Variants in SNAPC3 observed in about 807,000 individuals in gnomAD.
The protein encoded by SNAPC3 is snRNA-activating protein complex subunit 3.
Under a neutral mutation model 47.7 loss-of-function variants are expected in SNAPC3, and 56 were observed. The ratio of observed to expected loss-of-function variants is 1.18; its 90% confidence interval spans 0.95 to 1.47. The LOEUF (loss-of-function observed/expected upper bound fraction) is 1.47. Ranked by LOEUF, SNAPC3 falls within the 40% of genes most tolerant of loss-of-function variation. The pLI is 0.00. For missense variants in SNAPC3, 665 were observed against 511.3 expected (o/e 1.30, Z -2.90); for synonymous variants, 235 against 189.9 (o/e 1.24, Z -1.95).
At chr9:15,439,966 T>A (rs1476974709) in intron 3 of SNAPC3, among the ~76,000 whole-genome samples, 1 of 152,226 alleles carries the variant, frequency 6.6e-6, no homozygotes. Context: ...ATTTTCCACT[T>A]GTGATGTATT....
intron 1 of SNAPC3, 30 bp downstream of exon 1, chr9:15,423,223 C>T (rs755579351): frequency 1.3e-6 from 2 of 1,546,458 alleles, no homozygotes; most frequent in East Asian, 2.4e-5. Flanking sequence ...GCTCTTGCAG[C>T]TTGGGGTCAA....
At chr9:15,449,292 G>A (rs904452499) in intron 5 of SNAPC3, among the ~76,000 whole-genome samples, 2 of 151,920 alleles carry the variant, frequency 1.3e-5, no homozygotes, top group Non-Finnish European at 2.9e-5. Context: ...CTGGGAATCG[G>A]TCTTACCTTC....
intron 6 of SNAPC3, among the ~76,000 whole-genome samples, chr9:15,451,933 T>G (rs373643196): frequency 7.5e-4 from 114 of 151,466 alleles, no homozygotes; most frequent in African/African-American, 2.4e-3. Context: ...TCTTAACAAT[T>G]ACAGTATACA....
downstream of SNAPC3, chr9:15,464,307 G>C (rs567454715): frequency 5.2e-6 from 1 of 193,946 alleles, no homozygotes; most frequent in Non-Finnish European, 1.1e-5. Context: ...ATACAGAGAC[G>C]CTGGTCTTAA....
At position 15,451,344 on chromosome 9, in the gene SNAPC3, T is replaced by C; in HGVS notation, c.757T>C (p.Tyr253His). The C allele has an allele frequency of 6.6e-7, 1 of 1,524,010 alleles. No individual in the cohort carries two copies. Among genetic ancestry groups the C allele is most frequent in the Non-Finnish European group, 9.0e-7 (1 of 1,109,122 alleles). The allele number at this position is 1,524,010 out of a possible 1,614,324, so 94.4% of individuals were successfully genotyped here. A position where few individuals can be genotyped will look rare whatever the true frequency, so the allele number is the denominator to read the frequency against. Residue 253 changes from tyrosine (Y) to histidine (H), a missense_variant, in exon 6 of 9, where the codon TAT becomes CAT. Physicochemically the swap from Tyr to His is moderately conservative, Grantham distance 83. Transcript: ENST00000380821. Reference protein sequence around the residue: ...SKDLYKSAFFYFEGTFYNDKR... With the variant: ...SKDLYKSAFFHFEGTFYNDKR... ...GGACCTATACAAATCAGCCTTCTTT[T>C]ATTTTGAAGGAACATTTTATAATGA...
intron 3 of SNAPC3, among the ~76,000 whole-genome samples, chr9:15,437,074 C>T (rs1322904646): frequency 6.6e-6 from 1 of 152,046 alleles, no homozygotes; most frequent in African/African-American, 2.4e-5. Context: ...ATCCGCCTGC[C>T]TCGGCCTCCC....
intron 1 of SNAPC3, 88 bp downstream of exon 1, chr9:15,423,281 A>AGTC: frequency 7.5e-7 from 1 of 1,327,678 alleles, no homozygotes; most frequent in Non-Finnish European, 1.0e-6. Flanking sequence ...CATCCCTGAG[A>AGTC]AGGGCCTGTG....
intron 7 of SNAPC3, among the ~76,000 whole-genome samples, chr9:15,454,794 C>T (rs935828156): frequency 7.2e-5 from 11 of 152,186 alleles, no homozygotes; most frequent in African/African-American, 1.9e-4. Context: ...ATTAGCCAGG[C>T]GTGGTGGTGG....
chr9:15,457,945 T>A lies in SNAPC3; in HGVS notation c.981-15T>A, dbSNP rs533723577. On this transcript the variant is annotated splice_polypyrimidine_tract_variant and intron_variant, in intron 7 of 8. Coordinates refer to ENST00000380821, the MANE Select transcript of SNAPC3 (RefSeq NM_001039697.2). The stretch of plus-strand genomic sequence containing the variant: ...ATTTGTCACCTTAATATCTTTATTT[T>A]CCCACGAACAAAAGGCTTGTGCATC... 6 of 1,490,404 alleles carry A rather than the reference T, an allele frequency of 4.0e-6. No homozygotes were observed. In the South Asian group the frequency reaches 7.3e-5, roughly 18 times the overall value. 92.3% of individuals were successfully genotyped at this position (1,490,404 alleles called of 1,614,324 possible).
At chr9:15,429,510 A>G (rs2031869310) in intron 2 of SNAPC3, among the ~76,000 whole-genome samples, 1 of 152,130 alleles carries the variant, frequency 6.6e-6, no homozygotes, top group Non-Finnish European at 1.5e-5. Context: ...TGTGTGGGCA[A>G]TAGATGGGTT....
At chr9:15,463,468 C>A (rs1402000175), downstream of SNAPC3, 1 of 101,222 alleles carries the variant, frequency 9.9e-6, no homozygotes, top group East Asian at 3.4e-4. Flanking sequence ...GGTGTTAAAA[C>A]ATACATATTA....
In SNAPC3 at chr9:15,447,166, A is replaced by G. The variant is rs754678916; in HGVS notation, c.654A>G (p.Ser218=). ...AAAAACTCACACAACTGAGGGATTC[A>G]ATTCGATGTGTCAGTGACCTCCAGA... ...GSQKLTQLRD[S]IRCVSDLQIG... is the part of the protein sequence containing the mutation. The change falls in exon 5 of 9, where the codon TCA becomes TCG. Residue 218 remains serine, a synonymous_variant. Transcript: ENST00000380821. The G allele has an allele frequency of 5.6e-6, 9 of 1,613,790 alleles. 1 individual carries two copies. The South Asian group carries it at 8.8e-5, about 16-fold the overall frequency.
chr9:15,423,225 TG>T (rs957082987), intron 1 of SNAPC3, 32 bp downstream of exon 1: 47 of 1,545,698 alleles, frequency 3.0e-5, no homozygotes, highest in Non-Finnish European at 4.1e-5. Flanking sequence ...TCTTGCAGCT[TG>T]GGGTCAAACA....
At position 15,449,627 on chromosome 9, in the gene SNAPC3, A is replaced by G. The variant is rs552392080; in HGVS notation, c.733-1693A>G. On this transcript the variant is annotated intron_variant, in intron 5 of 8. Coordinates refer to ENST00000380821, the MANE Select transcript of SNAPC3 (RefSeq NM_001039697.2). ...CTCTTCTTGCCCAGGCTGGAGTGCA[A>G]TGGCACCGTCTCGGCTCACTGCAAC... is the stretch of plus-strand genomic sequence containing the variant. Among the ~76,000 whole-genome samples, 177 of 132,028 alleles carry G rather than the reference A, an allele frequency of 1.3e-3. 4 individuals are homozygous for G. In the Admixed American group the frequency reaches 0.015, roughly 11 times the overall value. 86.6% of individuals were successfully genotyped at this position (132,028 alleles called of 152,430 possible).
In SNAPC3 at chr9:15,428,629, T is replaced by TA. The variant is rs561560861; in HGVS notation, c.392+4645dup. On this transcript the variant is annotated intron_variant, in intron 2 of 8. Coordinates refer to ENST00000380821, the MANE Select transcript of SNAPC3 (RefSeq NM_001039697.2). ...GGCTTAGAATTTTTAAAACTATTAA[T>TA]AAGAATGGAAATGATGACTAAAGGA... 2.0e-5 allele frequency among the ~76,000 whole-genome samples: 3 copies of TA among 151,238 alleles called. No homozygotes were observed. In the East Asian group the frequency reaches 5.8e-4, roughly 29 times the overall value.
In SNAPC3 at chr9:15,447,210, A is replaced by G. The variant is rs1428319755; in HGVS notation, c.698A>G (p.Asn233Ser). 2 of 1,614,176 alleles carry G rather than the reference A, an allele frequency of 1.2e-6. No homozygotes were observed. The highest frequency in any genetic ancestry group is 1.3e-5 in the African/African-American group (1 of 75,058). The change falls in exon 5 of 9, where the codon AAC (asparagine) becomes AGC (serine). Residue 233 changes from asparagine to serine, a missense_variant. Physicochemically the swap from Asn to Ser is conservative, Grantham distance 46. Coordinates refer to ENST00000380821, the MANE Select transcript of SNAPC3 (RefSeq NM_001039697.2). ...SDLQIGGEFSNTPDQAPEHIS... is the reference protein window; with the variant it reads ...SDLQIGGEFSSTPDQAPEHIS... Reference sequence around the variant, plus strand: ...CTCCAGATTGGTGGTGAATTCAGCAACACTCCTGACCAAGCCCCTGAGCAC... The same window carrying G: ...CTCCAGATTGGTGGTGAATTCAGCAGCACTCCTGACCAAGCCCCTGAGCAC...
chr9:15,458,166 G>T (rs2034943154), intron 8 of SNAPC3, 99 bp downstream of exon 8: 1 of 616,406 alleles, frequency 1.6e-6, no homozygotes, highest in Non-Finnish European at 2.7e-6. Flanking sequence ...TGTACTTTAG[G>T]TTATAAATAT....
At chr9:15,466,576 A>G (rs376999973), downstream of SNAPC3, among the ~76,000 whole-genome samples, 10 of 152,340 alleles carry the variant, frequency 6.6e-5, no homozygotes, top group East Asian at 1.9e-3. Context: ...GTCACTGTCA[A>G]TAAAAGGTTT....
intron 3 of SNAPC3, among the ~76,000 whole-genome samples, chr9:15,437,712 G>C (rs1422093546): frequency 6.6e-6 from 1 of 151,544 alleles, no homozygotes; most frequent in Non-Finnish European, 1.5e-5. Flanking sequence ...GCATTTTGAG[G>C]ATAAATAAAT....
Sources: allele counts gnomAD v4.1 joint callset (sites outside exome capture counted in the v4.1 genomes callset), GRCh38; gene constraint gnomAD v4.1.1; transcripts MANE v1.5; gene names NCBI Gene and HGNC (gene_info 2026-07-23, HGNC 2026-07-21).